Variants in PTK2B observed in about 807,000 individuals in gnomAD.
PTK2B encodes protein tyrosine kinase 2 beta.
In PTK2B, 71 loss-of-function variants were observed where a neutral mutation model predicts 142.9. The observed-to-expected ratio is 0.50, with a 90% CI of 0.41 to 0.61. The LOEUF is 0.61. Ranked by LOEUF, PTK2B falls within the 20% of genes least tolerant of loss-of-function variation. The pLI, the probability that PTK2B is intolerant of heterozygous loss-of-function variation, is 0.00. For missense variants in PTK2B, 1,105 were observed against 1,320.4 expected, an observed-to-expected ratio of 0.84 and a Z score of 2.53; for synonymous variants, 519 against 503.4, an observed-to-expected ratio of 1.03 and a Z score of -0.42.
intron 4 of PTK2B, among the ~76,000 whole-genome samples, chr8:27,421,502 T>A (rs539847027): frequency 6.6e-6 from 1 of 152,350 alleles, no homozygotes; most frequent in South Asian, 2.1e-4. Flanking sequence ...GTCATTCTTA[T>A]GCCTTTGCAT....
In PTK2B at chr8:27,437,388, C is replaced by T. The variant is rs1810849910; in HGVS notation, c.1427-8C>T. On this transcript the variant is annotated splice_polypyrimidine_tract_variant and splice_region_variant and intron_variant, in intron 16 of 30. Transcript: ENST00000346049. ...TCCACCTGTCCCTCTTGCCCCACCA[C>T]ACTGCAGTGATCATGAAGAACCTCG... 1.9e-6 allele frequency: 3 copies of T among 1,609,488 alleles called. No individual in the cohort carries two copies. Among genetic ancestry groups the T allele is most frequent in the Admixed American group, 1.7e-5 (1 of 59,454 alleles).
At chr8:27,358,192 G>A (rs1314436203) in intron 1 of PTK2B, among the ~76,000 whole-genome samples, 1 of 152,290 alleles carries the variant, frequency 6.6e-6, no homozygotes, top group Non-Finnish European at 1.5e-5. Flanking sequence ...GGCAGCACAG[G>A]GCTGTGGATA....
chr8:27,337,594 AGTGGAATT>A (rs1299790618), intron 1 of PTK2B, among the ~76,000 whole-genome samples: 5 of 152,224 alleles, frequency 3.3e-5, no homozygotes, highest in African/African-American at 1.2e-4. Flanking sequence ...ATTCCATATA[AGTGGAATT>A]GTACAACACT....
At chr8:27,454,057 G>T in intron 28 of PTK2B, 97 bp from the exon 29 acceptor site, 1 of 1,495,840 alleles carries the variant, frequency 6.7e-7, no homozygotes, top group East Asian at 2.3e-5. Flanking sequence ...CAATCGGGCT[G>T]GTGGTGGAGT....
chr8:27,451,751 C>G, intron 27 of PTK2B: 1 of 1,371,840 alleles, frequency 7.3e-7, no homozygotes, highest in Admixed American at 3.4e-5. Flanking sequence ...TTAGGCCCCT[C>G]CTCAGATCAT....
chr8:27,343,648 C>T (rs1320051413), intron 1 of PTK2B, among the ~76,000 whole-genome samples: 3 of 152,212 alleles, frequency 2.0e-5, no homozygotes. Context: ...CCCATTCAAC[C>T]TTTACCTTAT....
chr8:27,407,616 C>T (rs912924860), intron 2 of PTK2B, among the ~76,000 whole-genome samples: 1 of 152,204 alleles, frequency 6.6e-6, no homozygotes, highest in African/African-American at 2.4e-5. Context: ...AGAGCCACTA[C>T]TGGACAGGTG....
At chr8:27,393,765 C>G (rs73223465) in intron 1 of PTK2B, among the ~76,000 whole-genome samples, 5 of 152,132 alleles carry the variant, frequency 3.3e-5, no homozygotes, top group Admixed American at 2.6e-4. Flanking sequence ...ACACAAGCAC[C>G]GCTTCCCCCA....
upstream of PTK2B, among the ~76,000 whole-genome samples, chr8:27,321,286 A>G (rs1563455687): frequency 6.6e-6 from 1 of 152,066 alleles, no homozygotes; most frequent in East Asian, 1.9e-4. Flanking sequence ...ATGAGCCACC[A>G]TGCCTGGCCT....
chr8:27,328,132 G>T (rs1803529187), intron 1 of PTK2B, among the ~76,000 whole-genome samples: 1 of 152,222 alleles, frequency 6.6e-6, no homozygotes, highest in Non-Finnish European at 1.5e-5. Flanking sequence ...GCTTCAAGGG[G>T]TGGAGATATA....
At position 27,430,388 on chromosome 8, in the gene PTK2B, T is replaced by C. The variant is rs375640807; in HGVS notation, c.639T>C (p.Phe213=). The part of the protein sequence containing the change: ...LLEKEVGLDL[F]FPKQMQENLK... The stretch of plus-strand genomic sequence containing the variant: ...GAAAGGAAGTGGGGCTGGACTTGTT[T>C]TTCCCAAAGCAGATGCAGGAGAACT... Residue 213 remains phenylalanine (F), a synonymous_variant, in exon 7 of 31, where the codon TTT becomes TTC. Coordinates refer to ENST00000346049, the MANE Select transcript of PTK2B (RefSeq NM_173176.3). 5 of 1,614,132 alleles carry C rather than the reference T, an allele frequency of 3.1e-6. No homozygotes were observed. Among genetic ancestry groups the C allele is most frequent in the Non-Finnish European group, 4.2e-6 (5 of 1,180,024 alleles).
intron 24 of PTK2B, among the ~76,000 whole-genome samples, chr8:27,449,051 A>G (rs1244401630): frequency 6.6e-6 from 1 of 152,228 alleles, no homozygotes; most frequent in Non-Finnish European, 1.5e-5. Context: ...ATAGGCATAT[A>G]TTGTGGGGAG....
At chr8:27,337,492 G>A (rs1052463260) in intron 1 of PTK2B, among the ~76,000 whole-genome samples, 3 of 152,042 alleles carry the variant, frequency 2.0e-5, no homozygotes, top group East Asian at 1.9e-4. Context: ...AGAAACCCCC[G>A]TACCATAAGC....
Position 27,430,141 on chromosome 8 carries a change from C to T in PTK2B, c.600C>T (p.Asn200=). The T allele has an allele frequency of 1.9e-6, 3 of 1,613,598 alleles. No individual in the cohort carries two copies. Among genetic ancestry groups the T allele is most frequent in the Middle Eastern group, 1.7e-4 (1 of 6,060 alleles). ...ACAATGCACTTGACAAGAAGTCCAACTTCGAGCTCCTAGAGTAAGTTCTGG... is the reference window on the plus strand; with the variant it reads ...ACAATGCACTTGACAAGAAGTCCAATTTCGAGCTCCTAGAGTAAGTTCTGG... ...MPHNALDKKS[N]FELLEKEVGL... is the part of the protein sequence containing the mutation. Residue 200 remains asparagine (N), a synonymous_variant, in exon 6 of 31, where the codon AAC becomes AAT. Coordinates refer to ENST00000346049, the MANE Select transcript of PTK2B (RefSeq NM_173176.3).
At chr8:27,351,820 G>A (rs1017391023) in intron 1 of PTK2B, among the ~76,000 whole-genome samples, 19 of 152,156 alleles carry the variant, frequency 1.2e-4, no homozygotes, top group Admixed American at 1.1e-3. Context: ...AAAACCACCC[G>A]TTGAAGGGCA....
intron 2 of PTK2B, among the ~76,000 whole-genome samples, chr8:27,404,556 G>T (rs1169904660): frequency 6.6e-6 from 1 of 152,122 alleles, no homozygotes; most frequent in Non-Finnish European, 1.5e-5. Flanking sequence ...GGTTGCAGGG[G>T]TGGCCTTGGG....
chr8:27,450,898 G>C lies in PTK2B; in HGVS notation c.2487+3G>C, dbSNP rs756407165. On this transcript the variant is annotated splice_donor_region_variant and intron_variant, in intron 25 of 30. Coordinates refer to ENST00000346049, the MANE Select transcript of PTK2B (RefSeq NM_173176.3). ...TCAGGCAGGAGGAGAAGTCCCTGGTGAGCACCCCAGGAAGGATGTCGGTGC... is the reference window on the plus strand; with the variant it reads ...TCAGGCAGGAGGAGAAGTCCCTGGTCAGCACCCCAGGAAGGATGTCGGTGC... The C allele has an allele frequency of 1.2e-6, 2 of 1,614,026 alleles. No individual in the cohort carries two copies. The highest frequency in any genetic ancestry group is 2.7e-5 in the African/African-American group (2 of 74,928).
chr8:27,362,794 TGAAATCTAGAACTTCTCCCACAC>T (rs1805792792), intron 1 of PTK2B, among the ~76,000 whole-genome samples: 1 of 152,048 alleles, frequency 6.6e-6, no homozygotes, highest in Non-Finnish European at 1.5e-5. Context: ...TGTTCCCACG[TGAAATCTAGAACTTCTCCCACAC>T]GAAATCTAGA....
At chr8:27,333,382 G>A (rs1008205088) in intron 1 of PTK2B, among the ~76,000 whole-genome samples, 1 of 152,212 alleles carries the variant, frequency 6.6e-6, no homozygotes, top group Non-Finnish European at 1.5e-5. Context: ...CTTCGGTGGA[G>A]GTGCGAGGGT....
Sources: gnomAD v4.1 joint callset for allele counts (sites outside exome capture counted in the v4.1 genomes callset) on GRCh38, gnomAD v4.1.1 for gene constraint, MANE v1.5 for transcripts, NCBI Gene and HGNC (gene_info 2026-07-23, HGNC 2026-07-21) for gene names.